The following ELOVL6 variants were observed in gnomAD, a reference collection of about 807,000 sequenced individuals.
The protein encoded by ELOVL6 is ELOVL fatty acid elongase 6.
A neutral mutation model predicts 31.7 loss-of-function variants in ELOVL6; 8 were observed. The ratio of observed to expected loss-of-function variants is 0.25; its 90% confidence interval spans 0.15 to 0.45. The LOEUF (loss-of-function observed/expected upper bound fraction) is 0.45. Ranked by LOEUF, ELOVL6 falls within the 20% of genes least tolerant of loss-of-function variation. The pLI is 1.00. For synonymous variants in ELOVL6, 101 were observed against 117.7 expected (o/e 0.86, Z 0.92); for missense variants, 126 against 326.4 (o/e 0.39, Z 4.73).
At chr4:110,164,855 T>C (rs990161170) in intron 1 of ELOVL6, among the ~76,000 whole-genome samples, 1 of 152,170 alleles carries the variant, frequency 6.6e-6, no homozygotes, top group African/African-American at 2.4e-5. Flanking sequence ...TTTCTTTTTT[T>C]TGAGACAGAG....
intron 1 of ELOVL6, among the ~76,000 whole-genome samples, chr4:110,137,254 G>A (rs1343249464): frequency 6.6e-6 from 1 of 152,150 alleles, no homozygotes; most frequent in Non-Finnish European, 1.5e-5. Context: ...ATTAAATCTA[G>A]CCCAGCTGAG....
At position 110,198,044 on chromosome 4, in the gene ELOVL6, A is replaced by G. The variant is rs915054486; in HGVS notation, c.89+203T>C. ...ATGCCTATGTAGCCGCGGTTCACACAGGGGCACCCACAGACCTCGCGCTTC... is the reference window on the plus strand; with the variant it reads ...ATGCCTATGTAGCCGCGGTTCACACGGGGGCACCCACAGACCTCGCGCTTC... On this transcript the variant is annotated intron_variant, in intron 1 of 3. Transcript: ENST00000302274. 4.9e-6 allele frequency: 3 copies of G among 617,108 alleles called. No homozygotes were observed. The African/African-American group carries it at 5.6e-5, about 12-fold the overall frequency. The allele number at this position is 617,108 out of a possible 1,614,324, so 38.2% of individuals were successfully genotyped here.
intron 1 of ELOVL6, among the ~76,000 whole-genome samples, chr4:110,196,556 T>C (rs1759795166): frequency 6.6e-6 from 1 of 152,178 alleles, no homozygotes; most frequent in African/African-American, 2.4e-5. Context: ...TCTCGACCCT[T>C]AGTGTCCAAC....
At chr4:110,066,941 C>T (rs1050132510) in intron 2 of ELOVL6, among the ~76,000 whole-genome samples, 4 of 151,794 alleles carry the variant, frequency 2.6e-5, no homozygotes, top group African/African-American at 9.7e-5. Context: ...TGCCAGGCCA[C>T]AGTGTGTGAT....
At position 110,198,585 on chromosome 4, in the gene ELOVL6, T is replaced by C. The variant is rs1759895141; in HGVS notation, c.-250A>G. On this transcript the variant is annotated 5_prime_UTR_variant, in exon 1 of 4. Transcript: ENST00000302274. The stretch of plus-strand genomic sequence containing the variant: ...CTCCTCCCGGCGTCCGCATCCACCG[T>C]AGGAGGAAATGAATGCCTTGCGGTC... The C allele has an allele frequency of 6.7e-6, 3 of 450,478 alleles. No individual in the cohort carries two copies. Among genetic ancestry groups the C allele is most frequent in the East Asian group, 3.8e-5 (1 of 26,448 alleles). 27.9% of individuals were successfully genotyped at this position (450,478 alleles called of 1,614,324 possible).
chr4:110,053,346 T>C (rs1305449394), intron 3 of ELOVL6, among the ~76,000 whole-genome samples: 1 of 152,208 alleles, frequency 6.6e-6, no homozygotes, highest in African/African-American at 2.4e-5. Context: ...ACGCTTGCAC[T>C]CAGCAAGGTC....
At position 110,069,173 on chromosome 4, in the gene ELOVL6, G is replaced by GATAATAATAATAAT. The variant is rs1560805300; in HGVS notation, c.222-9420_222-9419insATTATTATTATTAT. On this transcript the variant is annotated intron_variant, in intron 2 of 3. Coordinates refer to ENST00000302274, the MANE Select transcript of ELOVL6 (RefSeq NM_024090.3). Reference sequence around the variant, plus strand: ...ATAATAATAATAATAATAATAATAGGGACACTTGGTACCATAATGGATGTC... The same window carrying GATAATAATAATAAT: ...ATAATAATAATAATAATAATAATAGGATAATAATAATAATGACACTTGGTACCATAATGGATGTC... 1.7e-3 allele frequency among the ~76,000 whole-genome samples: 179 copies of GATAATAATAATAAT among 102,848 alleles called. 2 individuals carry two copies. The highest frequency in any genetic ancestry group is 6.0e-3 in the African/African-American group (163 of 27,298). 67.5% of individuals were successfully genotyped at this position (102,848 alleles called of 152,430 possible). A position where few individuals can be genotyped will look rare whatever the true frequency, so the allele number is the denominator to read the frequency against.
chr4:110,060,952 A>G (rs867999057), intron 2 of ELOVL6, among the ~76,000 whole-genome samples: 1 of 152,242 alleles, frequency 6.6e-6, no homozygotes, highest in Non-Finnish European at 1.5e-5. Flanking sequence ...GCATCTGCCA[A>G]CTAGAACTAA....
At chr4:110,110,792 A>G (rs1262627087) in intron 1 of ELOVL6, among the ~76,000 whole-genome samples, 1 of 152,208 alleles carries the variant, frequency 6.6e-6, no homozygotes. Context: ...ATTGATACAA[A>G]TGAAAAGTGG....
Position 110,046,122 on chromosome 4 carries a change from G to A in ELOVL6, c.*5216C>T, listed in dbSNP as rs764772418. 3 of 152,156 alleles carry A rather than the reference G, an allele frequency of 2.0e-5. No individual in the cohort carries two copies. Among genetic ancestry groups the A allele is most frequent in the Non-Finnish European group, 2.9e-5 (2 of 68,038 alleles). The allele number at this position is 152,156 out of a possible 1,614,324, so 9.4% of individuals were successfully genotyped here. Reference sequence around the variant, plus strand: ...CCTGTTTGAAACGAGTATGACCAGGGAGGACTGTTAGGCTACTTCTGTGGC... The same window carrying A: ...CCTGTTTGAAACGAGTATGACCAGGAAGGACTGTTAGGCTACTTCTGTGGC... On this transcript the variant is annotated 3_prime_UTR_variant, in exon 4 of 4. Coordinates refer to ENST00000302274, the MANE Select transcript of ELOVL6 (RefSeq NM_024090.3).
chr4:110,196,850 C>T (rs187042599), intron 1 of ELOVL6, among the ~76,000 whole-genome samples: 6,838 of 152,214 alleles, frequency 0.045, 230 homozygotes, highest in South Asian at 0.11. Context: ...CGGACCAGCC[C>T]GCGGGAAGCT....
chr4:110,127,775 T>C (rs1454673274), intron 1 of ELOVL6, among the ~76,000 whole-genome samples: 3 of 152,182 alleles, frequency 2.0e-5, no homozygotes, highest in Admixed American at 2.0e-4. Flanking sequence ...CATTCTTGCA[T>C]ACAGCTATTC....
chr4:110,171,844 C>T (rs1758957301), intron 1 of ELOVL6, among the ~76,000 whole-genome samples: 1 of 151,822 alleles, frequency 6.6e-6, no homozygotes, highest in East Asian at 1.9e-4. Flanking sequence ...TGCATGCCAC[C>T]ACACTTGGCT....
In ELOVL6 at chr4:110,082,583, A is replaced by G. The variant is rs1164430793; in HGVS notation, c.222-22829T>C. ...CACAGGAAGGGGAACATCACACACCAGGGCCTGTTGTGGGGTGGGGGTAGG... is the reference window on the plus strand; with the variant it reads ...CACAGGAAGGGGAACATCACACACCGGGGCCTGTTGTGGGGTGGGGGTAGG... On this transcript the variant is annotated intron_variant, in intron 2 of 3. Transcript: ENST00000302274. Among the ~76,000 whole-genome samples, 4 of 151,576 alleles carry G rather than the reference A, an allele frequency of 2.6e-5. No homozygotes were observed. In the East Asian group the frequency reaches 5.8e-4, roughly 22 times the overall value.
intron 1 of ELOVL6, among the ~76,000 whole-genome samples, chr4:110,178,364 G>A (rs1315509479): frequency 6.6e-6 from 1 of 152,016 alleles, no homozygotes; most frequent in Non-Finnish European, 1.5e-5. Flanking sequence ...TGTCCAATAT[G>A]GTGAAAACCC....
intron 1 of ELOVL6, among the ~76,000 whole-genome samples, chr4:110,118,604 A>C (rs1757254623): frequency 6.6e-6 from 1 of 152,236 alleles, no homozygotes. Context: ...ATGCGAAATA[A>C]AATTCCATTA....
chr4:110,046,244 A>C lies in ELOVL6; in HGVS notation c.*5094T>G, dbSNP rs1390138208. Reference sequence around the variant, plus strand: ...TACCAATGTCGAGTCAGAACCCTTCATGGCCGGCCCGAATGGGTTATAAAT... The same window carrying C: ...TACCAATGTCGAGTCAGAACCCTTCCTGGCCGGCCCGAATGGGTTATAAAT... On this transcript the variant is annotated 3_prime_UTR_variant, in exon 4 of 4. Coordinates refer to ENST00000302274, the MANE Select transcript of ELOVL6 (RefSeq NM_024090.3). 6.6e-6 allele frequency: 1 copy of C among 152,234 alleles called. No homozygotes were observed. The highest frequency in any genetic ancestry group is 2.4e-5 in the African/African-American group (1 of 41,464). The allele number at this position is 152,234 out of a possible 1,614,324, so 9.4% of individuals were successfully genotyped here. A position where few individuals can be genotyped will look rare whatever the true frequency, so the allele number is the denominator to read the frequency against.
At chr4:110,083,441 G>T (rs1241354791) in intron 2 of ELOVL6, among the ~76,000 whole-genome samples, 1 of 151,660 alleles carries the variant, frequency 6.6e-6, no homozygotes, top group African/African-American at 2.4e-5. Flanking sequence ...GGCACGCTTG[G>T]TACGAGCCCA....
chr4:110,119,008 A>G (rs973890431), intron 1 of ELOVL6, among the ~76,000 whole-genome samples: 1 of 152,206 alleles, frequency 6.6e-6, no homozygotes, highest in Non-Finnish European at 1.5e-5. Flanking sequence ...AGGTTGCAGT[A>G]AGCTGTGATC....
Sources: gnomAD v4.1 joint callset for allele counts (sites outside exome capture counted in the v4.1 genomes callset) on GRCh38, gnomAD v4.1.1 for gene constraint, MANE v1.5 for transcripts, NCBI Gene and HGNC (gene_info 2026-07-23, HGNC 2026-07-21) for gene names.